FOLH1: variants seen among roughly 807,000 people sequenced by gnomAD.
FOLH1 encodes the protein glutamate carboxypeptidase 2.
Under a neutral mutation model 93.9 loss-of-function variants are expected in FOLH1, and 54 were observed. The ratio of observed to expected loss-of-function variants is 0.57; its 90% confidence interval spans 0.46 to 0.72. The LOEUF is 0.72. Among genes scored for constraint, FOLH1 ranks in the 30% least tolerant of loss-of-function variants. FOLH1 has a pLI of 0.00. For missense variants in FOLH1, 571 were observed against 892.5 expected, an observed-to-expected ratio of 0.64 and a Z score of 4.59; for synonymous variants, 249 against 303.6, an observed-to-expected ratio of 0.82 and a Z score of 1.87.
intron 12 of FOLH1, among the ~76,000 whole-genome samples, chr11:49,166,201 T>A (rs748779704): frequency 2.6e-5 from 4 of 152,166 alleles, no homozygotes; most frequent in Non-Finnish European, 4.4e-5. Flanking sequence ...TGTTGCTGAA[T>A]GAAAAAGGCA....
chr11:49,207,849 AC>A (rs1371995487), intron 1 of FOLH1: 1 of 457,238 alleles, frequency 2.2e-6, no homozygotes, highest in East Asian at 6.9e-5. Context: ...GCTGGTAAAG[AC>A]CTGTCCAGAT....
chr11:49,152,155 T>C (rs1474995510), intron 17 of FOLH1, among the ~76,000 whole-genome samples: 1 of 152,154 alleles, frequency 6.6e-6, no homozygotes, highest in Non-Finnish European at 1.5e-5. Flanking sequence ...AATTGGTGAA[T>C]ATCAAATTTT....
chr11:49,185,461 T>G (rs1280379852), intron 6 of FOLH1: 2 of 611,382 alleles, frequency 3.3e-6, no homozygotes, highest in Admixed American at 6.3e-5. Context: ...GCTGAATAAG[T>G]CTGAATTTGA....
chr11:49,177,459 T>C (rs1860188624), intron 7 of FOLH1, among the ~76,000 whole-genome samples: 1 of 151,968 alleles, frequency 6.6e-6, no homozygotes, highest in Non-Finnish European at 1.5e-5. Context: ...AAAATATTGA[T>C]ACAGGAGGTA....
At chr11:49,185,360 A>T (rs1440809069) in intron 6 of FOLH1, among the ~76,000 whole-genome samples, 3 of 152,120 alleles carry the variant, frequency 2.0e-5, no homozygotes, top group African/African-American at 7.2e-5. Flanking sequence ...AAAAATATTT[A>T]TATACTTTTT....
chr11:49,190,309 T>G (rs1254722216), intron 4 of FOLH1, among the ~76,000 whole-genome samples: 2 of 152,224 alleles, frequency 1.3e-5, no homozygotes, highest in Non-Finnish European at 2.9e-5. Flanking sequence ...TGAAAACAAG[T>G]GTGACAGATA....
At chr11:49,193,005 C>T in intron 3 of FOLH1, 111 bp from the exon 4 acceptor site, 2 of 843,322 alleles carry the variant, frequency 2.4e-6, no homozygotes, top group Non-Finnish European at 3.4e-6. Context: ...GTGAATGAAT[C>T]CTTCAGGATT....
chr11:49,208,355 G>T lies in FOLH1; in HGVS notation c.55C>A (p.Arg19Ser). ...ACCAGCGCCCCAGCGCACAGCCAGC[G>T]CGGGCGGCGCGCGGTGGCCACAGCC... is the stretch of plus-strand genomic sequence containing the variant. ...DSAVATARRP[R>S]WLCAGALVLA... Residue 19 changes from arginine to serine, a missense_variant, in exon 1 of 19, where the codon CGC becomes AGC. By Grantham distance (110) the Arg-to-Ser change is moderately radical (BLOSUM62 -1). This residue lies in a region of FOLH1 where 71 missense variants were observed against 69.6 expected (regional missense o/e 1.02). Coordinates refer to ENST00000256999, the MANE Select transcript of FOLH1 (RefSeq NM_004476.3). The T allele has an allele frequency of 6.2e-7, 1 of 1,601,826 alleles. No individual in the cohort carries two copies. Among genetic ancestry groups the T allele is most frequent in the Non-Finnish European group, 8.5e-7 (1 of 1,173,220 alleles).
chr11:49,167,944 G>A (rs1271598845), intron 12 of FOLH1, among the ~76,000 whole-genome samples: 2 of 151,120 alleles, frequency 1.3e-5, no homozygotes, highest in South Asian at 4.2e-4. Flanking sequence ...AAATGCCAAC[G>A]TGACTCCATC....
intron 10 of FOLH1, among the ~76,000 whole-genome samples, 165 bp from the exon 11 acceptor site, chr11:49,171,442 A>T (rs1208304710): frequency 4.6e-5 from 7 of 152,130 alleles, no homozygotes; most frequent in Non-Finnish European, 8.8e-5. Context: ...GTAAGATTTT[A>T]AAGTTGTCAA....
At chr11:49,182,938 G>A in intron 7 of FOLH1, among the ~76,000 whole-genome samples, 1 of 151,976 alleles carries the variant, frequency 6.6e-6, no homozygotes, top group East Asian at 1.9e-4. Flanking sequence ...ACATCTGAAA[G>A]GTTCATTTTC....
chr11:49,190,098 G>A (rs1306141494), intron 4 of FOLH1, among the ~76,000 whole-genome samples: 3 of 152,142 alleles, frequency 2.0e-5, no homozygotes, highest in Admixed American at 6.5e-5. Context: ...ATTAACCAAT[G>A]TGATTTCAGC....
chr11:49,151,018 GC>G (rs1435265261), intron 17 of FOLH1, among the ~76,000 whole-genome samples: 5 of 152,150 alleles, frequency 3.3e-5, no homozygotes, highest in African/African-American at 1.2e-4. Flanking sequence ...TAGGGTAACA[GC>G]CCCATTTTGT....
At chr11:49,165,765 T>C (rs576715541) in intron 12 of FOLH1, among the ~76,000 whole-genome samples, 2 of 152,330 alleles carry the variant, frequency 1.3e-5, no homozygotes, top group South Asian at 4.1e-4. Context: ...AAGTTGAGGC[T>C]TTTAAAATAG....
intron 3 of FOLH1, among the ~76,000 whole-genome samples, chr11:49,195,641 A>G (rs1862536323): frequency 6.6e-6 from 1 of 152,018 alleles, no homozygotes; most frequent in African/African-American, 2.4e-5. Flanking sequence ...TGGATACACT[A>G]GTAAATTTGA....
chr11:49,171,087 T>C, intron 11 of FOLH1, 108 bp downstream of exon 11: 1 of 1,262,774 alleles, frequency 7.9e-7, no homozygotes, highest in Non-Finnish European at 1.1e-6. Flanking sequence ...GGGAAAAAAC[T>C]TTGAATACTT....
At chr11:49,181,751 G>A (rs968080895) in intron 7 of FOLH1, among the ~76,000 whole-genome samples, 1 of 152,044 alleles carries the variant, frequency 6.6e-6, no homozygotes, top group African/African-American at 2.4e-5. Flanking sequence ...GCCTGGTCCT[G>A]AATCTTAACC....
At chr11:49,185,564 A>G in intron 6 of FOLH1, 105 bp downstream of exon 6, 1 of 1,359,726 alleles carries the variant, frequency 7.4e-7, no homozygotes, top group Non-Finnish European at 1.0e-6. Flanking sequence ...AAATGCAAAG[A>G]GAATAAAAAA....
chr11:49,169,130 T>C, intron 12 of FOLH1, 65 bp downstream of exon 12: 1 of 1,570,630 alleles, frequency 6.4e-7, no homozygotes, highest in East Asian at 2.2e-5. Context: ...TAGTGCATAA[T>C]TTATTAACTA....
Sources: allele counts gnomAD v4.1 joint callset (sites outside exome capture counted in the v4.1 genomes callset), GRCh38; gene constraint gnomAD v4.1.1; regional missense constraint gnomAD v4.1.1; transcripts MANE v1.5; gene names NCBI Gene and HGNC (gene_info 2026-07-23, HGNC 2026-07-21).